Variants in UBAP1 observed in about 807,000 individuals in gnomAD.
UBAP1 encodes ubiquitin-associated protein 1.
In UBAP1, 5 loss-of-function variants were observed where a neutral mutation model predicts 39.0. The observed-to-expected ratio is 0.13, with a 90% confidence interval of 0.07 to 0.27. UBAP1 has a LOEUF of 0.27. UBAP1 is among the 10% of genes least tolerant of loss of function. The pLI is 1.00. For synonymous variants in UBAP1, 211 were observed against 225.1 expected, an observed-to-expected ratio of 0.94 and a Z score of 0.56; for missense variants, 490 against 608.1, an observed-to-expected ratio of 0.81 and a Z score of 2.04.
intron 1 of UBAP1, among the ~76,000 whole-genome samples, chr9:34,185,326 T>G (rs946437529): frequency 1.3e-5 from 2 of 152,152 alleles, no homozygotes; most frequent in Non-Finnish European, 2.9e-5. Flanking sequence ...GGCGGGCGGA[T>G]TGCTTGAGCC....
intron 2 of UBAP1, among the ~76,000 whole-genome samples, chr9:34,222,845 AG>A (rs1252101336): frequency 6.6e-6 from 1 of 152,088 alleles, no homozygotes; most frequent in Non-Finnish European, 1.5e-5. Flanking sequence ...GAAAAGAAAA[AG>A]GGAAAAAAAG....
At chr9:34,197,808 C>T (rs1282686091) in intron 1 of UBAP1, among the ~76,000 whole-genome samples, 1 of 152,212 alleles carries the variant, frequency 6.6e-6, no homozygotes, top group Admixed American at 6.6e-5. Context: ...CCTCAGCCTC[C>T]TGAAGTGCTA....
chr9:34,179,032 G>A (rs947657017), upstream of UBAP1: 13 of 1,262,342 alleles, frequency 1.0e-5, no homozygotes, highest in Non-Finnish European at 1.3e-5. Flanking sequence ...GGGCGGTGAG[G>A]GGAAGGAGGA....
intron 1 of UBAP1, among the ~76,000 whole-genome samples, chr9:34,214,441 T>C (rs1308455928): frequency 1.3e-5 from 2 of 152,098 alleles, no homozygotes; most frequent in Admixed American, 6.5e-5. Context: ...TTTTTAACAA[T>C]AGCACTGGGA....
chr9:34,182,604 TTTCTTTCTTTCC>T (rs1563880793), intron 1 of UBAP1, among the ~76,000 whole-genome samples: 2 of 149,592 alleles, frequency 1.3e-5, no homozygotes, highest in African/African-American at 2.5e-5. Flanking sequence ...CTTTTTTCTT[TTTCTTTCTTTCC>T]TTCTTTCTTT....
At chr9:34,183,914 G>A (rs1055979800) in intron 1 of UBAP1, among the ~76,000 whole-genome samples, 1 of 151,856 alleles carries the variant, frequency 6.6e-6, no homozygotes, top group African/African-American at 2.4e-5. Context: ...GGAATTACAG[G>A]CATGTGCCAC....
intron 1 of UBAP1, among the ~76,000 whole-genome samples, chr9:34,182,788 G>A (rs1830165082): frequency 6.6e-6 from 1 of 151,132 alleles, no homozygotes; most frequent in Admixed American, 6.6e-5. Flanking sequence ...TCTGCTCACT[G>A]CAAGCTCCGC....
chr9:34,241,126 TG>T, intron 3 of UBAP1, 58 bp from the exon 4 acceptor site: 1 of 1,250,390 alleles, frequency 8.0e-7, no homozygotes. Context: ...GTGAATTGGG[TG>T]GTGGGGTAAA....
chr9:34,224,204 A>G, intron 2 of UBAP1: 1 of 528,828 alleles, frequency 1.9e-6, no homozygotes, highest in Non-Finnish European at 3.4e-6. Context: ...TTTGTTTAAA[A>G]TCTCTTCTTC....
At chr9:34,206,779 A>G (rs1008338319) in intron 1 of UBAP1, among the ~76,000 whole-genome samples, 1 of 152,114 alleles carries the variant, frequency 6.6e-6, no homozygotes, top group African/African-American at 2.4e-5. Flanking sequence ...CTTGGTATGC[A>G]GTGTGAAGCA....
chr9:34,192,245 G>A (rs1022246393), intron 1 of UBAP1, among the ~76,000 whole-genome samples: 3 of 151,644 alleles, frequency 2.0e-5, no homozygotes, highest in Admixed American at 6.6e-5. Context: ...GGCCAGGCGC[G>A]GTGGCTCATG....
chr9:34,181,111 G>GTTTTATTTT lies in UBAP1; in HGVS notation c.-8+1875_-8+1876insATTTTTTTT, dbSNP rs1563879456. Among the ~76,000 whole-genome samples, 6 of 35,296 alleles carry GTTTTATTTT rather than the reference G, an allele frequency of 1.7e-4. No homozygotes were observed. In the East Asian group the frequency reaches 3.5e-3, roughly 20 times the overall value. The allele number at this position is 35,296 out of a possible 152,430, so 23.2% of individuals were successfully genotyped here. On this transcript the variant is annotated intron_variant, in intron 1 of 6. Transcript: ENST00000297661. Reference sequence around the variant, plus strand: ...AGGCGTGAGCCACCGCACCCGGCCTGTTTTCTTTTTTTTTTTTTTTTTGAG... The same window carrying GTTTTATTTT: ...AGGCGTGAGCCACCGCACCCGGCCTGTTTTATTTTTTTTCTTTTTTTTTTTTTTTTTGAG...
chr9:34,204,747 T>C (rs1831590822), intron 1 of UBAP1, among the ~76,000 whole-genome samples: 1 of 150,752 alleles, frequency 6.6e-6, no homozygotes. Context: ...TCAGGTGCTC[T>C]TGTCTTTCTT....
intron 2 of UBAP1, among the ~76,000 whole-genome samples, chr9:34,226,919 C>G (rs1019800548): frequency 2.6e-5 from 4 of 152,156 alleles, no homozygotes; most frequent in Non-Finnish European, 5.9e-5. Context: ...TTCCATCTCT[C>G]TGCTGAAGTT....
At chr9:34,190,033 T>C (rs1357629881) in intron 1 of UBAP1, among the ~76,000 whole-genome samples, 2 of 152,164 alleles carry the variant, frequency 1.3e-5, no homozygotes, top group African/African-American at 4.8e-5. Context: ...GAAAATACTT[T>C]AGCAAAAATA....
intron 1 of UBAP1, among the ~76,000 whole-genome samples, chr9:34,186,964 A>G (rs1004609793): frequency 6.6e-6 from 1 of 151,780 alleles, no homozygotes; most frequent in African/African-American, 2.4e-5. Context: ...CGGGAGTGCA[A>G]TGGCGTGATC....
intron 1 of UBAP1, among the ~76,000 whole-genome samples, chr9:34,196,367 G>A (rs1831055152): frequency 6.6e-6 from 1 of 150,590 alleles, no homozygotes; most frequent in African/African-American, 2.4e-5. Flanking sequence ...CCAGGCTGGA[G>A]TGCAATGGCG....
chr9:34,181,749 A>C (rs1164153723), intron 1 of UBAP1, among the ~76,000 whole-genome samples: 1 of 124,370 alleles, frequency 8.0e-6, no homozygotes, highest in African/African-American at 2.8e-5. Flanking sequence ...TTTTTTTTTT[A>C]ATGAAGGCAA....
intron 1 of UBAP1, among the ~76,000 whole-genome samples, chr9:34,195,812 G>A (rs893999131): frequency 3.3e-5 from 5 of 151,176 alleles, no homozygotes; most frequent in Non-Finnish European, 7.4e-5. Context: ...GGTCAGGCTG[G>A]TCTCGAACTC....
Sources: allele counts gnomAD v4.1 joint callset (sites outside exome capture counted in the v4.1 genomes callset), GRCh38; gene constraint gnomAD v4.1.1; transcripts MANE v1.5; gene names NCBI Gene and HGNC (gene_info 2026-07-23, HGNC 2026-07-21).